The following SUGCT variants were observed in gnomAD, a reference collection of about 807,000 sequenced individuals.
SUGCT encodes succinyl-CoA:glutarate-CoA transferase, also known as succinyl-CoA:glutarate CoA-transferase.
Under a neutral mutation model 55.0 loss-of-function variants are expected in SUGCT, and 41 were observed. That is an observed-to-expected ratio of 0.74 (90% confidence interval 0.58 to 0.97). The LOEUF (loss-of-function observed/expected upper bound fraction) is 0.97. SUGCT is among the 50% of genes least tolerant of loss of function. The probability of loss-of-function intolerance (pLI) is 0.00; values close to 1 mark genes in which losing one functional copy is unlikely to be tolerated. For synonymous variants in SUGCT, 187 were observed against 200.4 expected, an observed-to-expected ratio of 0.93 and a Z score of 0.56; for missense variants, 568 against 547.8, an observed-to-expected ratio of 1.04 and a Z score of -0.37.
chr7:40,861,620 A>G (rs1355906483), downstream of SUGCT, among the ~76,000 whole-genome samples: 1 of 152,016 alleles, frequency 6.6e-6, no homozygotes, highest in Admixed American at 6.5e-5. Flanking sequence ...GTGATTTAAA[A>G]CTCATTTTCT....
At chr7:40,739,197 C>T (rs917393491) in intron 12 of SUGCT, among the ~76,000 whole-genome samples, 12 of 152,108 alleles carry the variant, frequency 7.9e-5, no homozygotes, top group South Asian at 2.1e-4. Flanking sequence ...TCCATCACCA[C>T]GAAAATCTCT....
intron 9 of SUGCT, among the ~76,000 whole-genome samples, chr7:40,351,155 T>A (rs186886105): frequency 6.6e-6 from 1 of 152,248 alleles, no homozygotes; most frequent in Admixed American, 6.5e-5. Flanking sequence ...TCTTAAGAAC[T>A]CTTTGTAGGT....
At chr7:40,880,022 G>A in the SUGCT span, among the ~76,000 whole-genome samples, 1 of 152,208 alleles carries the variant, frequency 6.6e-6, no homozygotes, top group Non-Finnish European at 1.5e-5. Flanking sequence ...CAGCCAAGGA[G>A]CAATAGGCCT....
At chr7:40,709,126 A>G (rs541641983) in intron 12 of SUGCT, among the ~76,000 whole-genome samples, 6 of 152,222 alleles carry the variant, frequency 3.9e-5, no homozygotes, top group African/African-American at 7.2e-5. Flanking sequence ...AAGAGTCACT[A>G]GGGATCATGT....
At chr7:40,971,221 C>T in the SUGCT span, among the ~76,000 whole-genome samples, 1 of 152,124 alleles carries the variant, frequency 6.6e-6, no homozygotes, top group Non-Finnish European at 1.5e-5. Context: ...GCGGGAGGTG[C>T]CACACACTTT....
chr7:40,769,538 G>A (rs1788981280), intron 13 of SUGCT, among the ~76,000 whole-genome samples: 1 of 152,202 alleles, frequency 6.6e-6, no homozygotes, highest in South Asian at 2.1e-4. Context: ...TGGAAGCAGA[G>A]AGCAGGGTGA....
Position 40,553,660 on chromosome 7 carries a change from T to C in SUGCT, c.1089+57274T>C, listed in dbSNP as rs1436352792. 2.0e-5 allele frequency among the ~76,000 whole-genome samples: 3 copies of C among 152,214 alleles called. No individual in the cohort carries two copies. In the East Asian group the frequency reaches 5.8e-4, roughly 29 times the overall value. ...TAAAAAGCTAAAAATGTAGACACTT[T>C]CCACACCATCTACCTCGTTTACTAA... On this transcript the variant is annotated intron_variant, in intron 12 of 13. Coordinates refer to ENST00000335693, the MANE Select transcript of SUGCT (RefSeq NM_001193313.2).
chr7:40,510,662 C>T (rs1792876474), intron 12 of SUGCT, among the ~76,000 whole-genome samples: 1 of 152,028 alleles, frequency 6.6e-6, no homozygotes, highest in East Asian at 1.9e-4. Context: ...TAAGCGTTTT[C>T]AACAGCCACT....
At chr7:40,600,288 A>G (rs1367280318) in intron 12 of SUGCT, among the ~76,000 whole-genome samples, 1 of 152,182 alleles carries the variant, frequency 6.6e-6, no homozygotes, top group Non-Finnish European at 1.5e-5. Context: ...ATTTCTGTGC[A>G]TCTAAGAAAG....
chr7:40,415,671 A>G lies in SUGCT; in HGVS notation c.817-33616A>G, dbSNP rs535812453. ...ACATTTGTGTCTTTACTCCACTCATATGAAACATGATGTGAAATAATGACT... is the reference window on the plus strand; with the variant it reads ...ACATTTGTGTCTTTACTCCACTCATGTGAAACATGATGTGAAATAATGACT... On this transcript the variant is annotated intron_variant, in intron 9 of 13. Coordinates refer to ENST00000335693, the MANE Select transcript of SUGCT (RefSeq NM_001193313.2). 1.1e-4 allele frequency among the ~76,000 whole-genome samples: 16 copies of G among 152,198 alleles called. No homozygotes were observed. In the South Asian group the frequency reaches 2.7e-3, roughly 26 times the overall value.
intron 9 of SUGCT, among the ~76,000 whole-genome samples, chr7:40,425,829 G>A (rs1488142907): frequency 6.6e-6 from 1 of 152,120 alleles, no homozygotes; most frequent in Non-Finnish European, 1.5e-5. Flanking sequence ...CAAGTAGTGG[G>A]ATAGCAGATT....
chr7:40,336,889 G>A, intron 9 of SUGCT, among the ~76,000 whole-genome samples: 1 of 152,134 alleles, frequency 6.6e-6, no homozygotes. Flanking sequence ...GGCATTTAGT[G>A]CTATAAATTT....
the SUGCT span, among the ~76,000 whole-genome samples, chr7:40,972,476 T>G: frequency 6.6e-6 from 1 of 152,194 alleles, no homozygotes; most frequent in African/African-American, 2.4e-5. Flanking sequence ...TGGTTCCCCT[T>G]GCTTCCAAGC....
chr7:40,403,343 A>G (rs1198858693), intron 9 of SUGCT, among the ~76,000 whole-genome samples: 4 of 152,194 alleles, frequency 2.6e-5, no homozygotes, highest in African/African-American at 9.6e-5. Flanking sequence ...AAGACTTGTC[A>G]TGAAGAATGA....
the SUGCT span, among the ~76,000 whole-genome samples, chr7:40,913,603 C>T: frequency 6.6e-6 from 1 of 152,192 alleles, no homozygotes; most frequent in African/African-American, 2.4e-5. Context: ...AATCTCAAAA[C>T]TTGGTAGCTG....
At chr7:41,000,266 G>GCA in the SUGCT span, among the ~76,000 whole-genome samples, 1 of 151,756 alleles carries the variant, frequency 6.6e-6, no homozygotes, top group South Asian at 2.1e-4. Context: ...GCATGCACAT[G>GCA]CACACACACA....
intron 13 of SUGCT, among the ~76,000 whole-genome samples, chr7:40,817,996 T>C (rs963134673): frequency 6.6e-6 from 1 of 152,166 alleles, no homozygotes; most frequent in Admixed American, 6.5e-5. Context: ...AAGAAATCAA[T>C]TTGCTTAATT....
At chr7:40,477,414 G>T (rs1484438589) in intron 11 of SUGCT, among the ~76,000 whole-genome samples, 1 of 152,122 alleles carries the variant, frequency 6.6e-6, no homozygotes, top group Non-Finnish European at 1.5e-5. Context: ...TCCTGGAAGA[G>T]CACTTCCTGT....
chr7:40,413,176 A>G (rs957249285), intron 9 of SUGCT, among the ~76,000 whole-genome samples: 2 of 152,178 alleles, frequency 1.3e-5, no homozygotes, highest in Admixed American at 6.5e-5. Context: ...TGACCAAGCA[A>G]TTTGGAGAAG....
Sources: gnomAD v4.1 joint callset for allele counts (sites outside exome capture counted in the v4.1 genomes callset) on GRCh38, gnomAD v4.1.1 for gene constraint, MANE v1.5 for transcripts, NCBI Gene and HGNC (gene_info 2026-07-23, HGNC 2026-07-21) for gene names.